Variants in ZFC3H1 observed in about 807,000 individuals in gnomAD.
ZFC3H1 encodes zinc finger C3H1-type containing, also known as zinc finger C3H1 domain-containing protein.
A neutral mutation model predicts 243.7 loss-of-function variants in ZFC3H1; 71 were observed. The observed-to-expected ratio is 0.29, with a 90% CI of 0.24 to 0.36. The LOEUF is 0.36. ZFC3H1 is among the 10% of genes least tolerant of loss of function. ZFC3H1 has a pLI of 1.00. For missense variants in ZFC3H1, 1,966 were observed against 2,317.1 expected, an observed-to-expected ratio of 0.85 and a Z score of 3.11; for synonymous variants, 838 against 813.0, an observed-to-expected ratio of 1.03 and a Z score of -0.52.
chr12:71,618,712 G>C (rs1879951814), intron 27 of ZFC3H1, among the ~76,000 whole-genome samples: 1 of 152,080 alleles, frequency 6.6e-6, no homozygotes, highest in Non-Finnish European at 1.5e-5. Flanking sequence ...ACAAAGGAAA[G>C]ATAATTTTAA....
At chr12:71,636,826 T>C in intron 8 of ZFC3H1, 24 bp downstream of exon 8, 1 of 1,611,376 alleles carries the variant, frequency 6.2e-7, no homozygotes, top group Non-Finnish European at 8.5e-7. Flanking sequence ...GAGCACCACC[T>C]AGAGGTTTAG....
At chr12:71,623,285 CAAT>C in intron 24 of ZFC3H1, 72 bp downstream of exon 24, 2 of 1,222,140 alleles carry the variant, frequency 1.6e-6, no homozygotes, top group South Asian at 1.7e-5. Flanking sequence ...CAGAGAATCA[CAAT>C]AATGGGTAGT....
intron 31 of ZFC3H1, among the ~76,000 whole-genome samples, chr12:71,612,218 T>C (rs1879791289): frequency 6.6e-6 from 1 of 151,156 alleles, no homozygotes; most frequent in African/African-American, 2.4e-5. Context: ...GTAATGCAAT[T>C]TCCTGGTATT....
chr12:71,656,714 C>A, intron 2 of ZFC3H1, 171 bp downstream of exon 2: 1 of 709,322 alleles, frequency 1.4e-6, no homozygotes, highest in Non-Finnish European at 2.2e-6. Flanking sequence ...TAAATAAAGA[C>A]TAAAAGTAAA....
Position 71,642,454 on chromosome 12 carries a change from T to C in ZFC3H1, c.1609A>G (p.Ser537Gly). The change falls in exon 6 of 35, where the codon AGT becomes GGT. Residue 537 changes from serine to glycine, a missense_variant. Ser to Gly is a moderately conservative substitution (Grantham distance 56). Transcript: ENST00000378743. ...NYEEVAMDTDSETSSPAPSPV... is the reference protein window; with the variant it reads ...NYEEVAMDTDGETSSPAPSPV... Reference sequence around the variant, plus strand: ...CTCATACCTGGAGAACTGGTTTCACTATCTGTATCCATAGCAACTTCTTCA... The same window carrying C: ...CTCATACCTGGAGAACTGGTTTCACCATCTGTATCCATAGCAACTTCTTCA... 6.2e-7 allele frequency: 1 copy of C among 1,612,698 alleles called. No homozygotes were observed. Among genetic ancestry groups the C allele is most frequent in the Non-Finnish European group, 8.5e-7 (1 of 1,179,386 alleles).
chr12:71,646,112 G>GA (rs1880724121), intron 3 of ZFC3H1, among the ~76,000 whole-genome samples: 1 of 152,108 alleles, frequency 6.6e-6, no homozygotes, highest in South Asian at 2.1e-4. Flanking sequence ...TAAACATAAA[G>GA]AAAACAGTGG....
chr12:71,615,363 C>A, intron 27 of ZFC3H1, 47 bp from the exon 28 acceptor site: 1 of 1,190,528 alleles, frequency 8.4e-7, no homozygotes. Flanking sequence ...CCTACCCACA[C>A]AGGAATTACA....
At chr12:71,643,992 G>C (rs974204646) in intron 5 of ZFC3H1, 103 bp downstream of exon 5, 2 of 1,035,766 alleles carry the variant, frequency 1.9e-6, no homozygotes, top group African/African-American at 3.2e-5. Context: ...TTTTTTCCAA[G>C]AGTTATTTAT....
intron 22 of ZFC3H1, among the ~76,000 whole-genome samples, chr12:71,624,590 CATG>C (rs1482668143): frequency 1.3e-5 from 2 of 152,186 alleles, no homozygotes; most frequent in African/African-American, 2.4e-5. Flanking sequence ...GCAGCAAGAT[CATG>C]ATGAATATCC....
At chr12:71,625,430 A>G (rs113224434) in intron 22 of ZFC3H1, among the ~76,000 whole-genome samples, 4 of 152,178 alleles carry the variant, frequency 2.6e-5, no homozygotes, top group African/African-American at 9.7e-5. Flanking sequence ...GGTGGCTCAC[A>G]TCTATAGTCC....
At chr12:71,656,567 CA>C in intron 2 of ZFC3H1, 11 of 638,202 alleles carry the variant, frequency 1.7e-5, no homozygotes, top group Middle Eastern at 2.9e-4. Flanking sequence ...GGGATACCTA[CA>C]AAAAAATTAA....
At chr12:71,649,334 T>C (rs1265173029) in intron 2 of ZFC3H1, among the ~76,000 whole-genome samples, 1 of 152,208 alleles carries the variant, frequency 6.6e-6, no homozygotes, top group Non-Finnish European at 1.5e-5. Context: ...TACTGTCTGA[T>C]TTCAGGTAAC....
In ZFC3H1 at chr12:71,626,245, A is replaced by G. The variant is rs991205929; in HGVS notation, c.4317+15T>C. On this transcript the variant is annotated intron_variant, in intron 22 of 34. Transcript: ENST00000378743. ...ACACACACACACACACACGTACGTTATCTTTTCTACTCACAGTCCAAAAGC... is the reference window on the plus strand; with the variant it reads ...ACACACACACACACACACGTACGTTGTCTTTTCTACTCACAGTCCAAAAGC... 1.2e-6 allele frequency: 2 copies of G among 1,606,782 alleles called. No individual in the cohort carries two copies. Among genetic ancestry groups the G allele is most frequent in the East Asian group, 4.5e-5 (2 of 44,768 alleles).
chr12:71,656,433 C>A (rs1179235482), intron 2 of ZFC3H1: 11 of 584,966 alleles, frequency 1.9e-5, no homozygotes, highest in Non-Finnish European at 3.0e-5. Flanking sequence ...ATTACACTAA[C>A]AAATTAAAAT....
chr12:71,641,540 G>A (rs1288541347), intron 6 of ZFC3H1, among the ~76,000 whole-genome samples: 1 of 152,126 alleles, frequency 6.6e-6, no homozygotes, highest in Non-Finnish European at 1.5e-5. Context: ...TGAAGGAATA[G>A]GTCTCTCACA....
chr12:71,619,417 A>G lies in ZFC3H1; in HGVS notation c.5050-8T>C, dbSNP rs1227508871. On this transcript the variant is annotated splice_polypyrimidine_tract_variant and splice_region_variant and intron_variant, in intron 26 of 34. Transcript: ENST00000378743. ...AAGATTATCGCCTCGATTCTATTTT[A>G]AAAAGAGGGAGGGGGATATATATCA... 1.2e-6 allele frequency: 2 copies of G among 1,610,246 alleles called. No homozygotes were observed. Among genetic ancestry groups the G allele is most frequent in the South Asian group, 2.2e-5 (2 of 90,898 alleles).
At chr12:71,631,050 C>T (rs1880309642) in intron 16 of ZFC3H1, 96 bp from the exon 17 acceptor site, 1 of 1,277,258 alleles carries the variant, frequency 7.8e-7, no homozygotes. Context: ...TTAAAATTTC[C>T]ATGCTTACTA....
chr12:71,620,003 C>T lies in ZFC3H1; in HGVS notation c.4972G>A (p.Val1658Met). Residue 1658 changes from valine (V) to methionine (M), a missense_variant, in exon 26 of 35, where the codon GTG becomes ATG. Transcript: ENST00000378743. ...QTNQHDKARAVWLTAFEKNPQ... is the reference protein window; with the variant it reads ...QTNQHDKARAMWLTAFEKNPQ... Reference sequence around the variant, plus strand: ...TTTTTTTCAAATGCAGTAAGCCACACTGCTCTGGCTTTGTCATGCTGATTT... The same window carrying T: ...TTTTTTTCAAATGCAGTAAGCCACATTGCTCTGGCTTTGTCATGCTGATTT... The T allele has an allele frequency of 6.2e-7, 1 of 1,612,722 alleles. No homozygotes were observed. The highest frequency in any genetic ancestry group is 1.7e-5 in the Admixed American group (1 of 59,796).
intron 24 of ZFC3H1, among the ~76,000 whole-genome samples, chr12:71,621,604 C>T (rs939070885): frequency 1.3e-5 from 2 of 151,996 alleles, no homozygotes; most frequent in Admixed American, 6.6e-5. Flanking sequence ...CCACGCACGG[C>T]CAAGGTCCAC....
Sources: allele counts gnomAD v4.1 joint callset (sites outside exome capture counted in the v4.1 genomes callset), GRCh38; gene constraint gnomAD v4.1.1; transcripts MANE v1.5; gene names NCBI Gene and HGNC (gene_info 2026-07-23, HGNC 2026-07-21).